Variants in IL22RA2 observed in about 807,000 individuals in gnomAD.
IL22RA2 encodes the protein interleukin-22 receptor subunit alpha-2.
Under a neutral mutation model 30.7 loss-of-function variants are expected in IL22RA2, and 39 were observed. The ratio of observed to expected loss-of-function variants is 1.27; its 90% CI spans 0.98 to 1.66. The LOEUF (loss-of-function observed/expected upper bound fraction) is 1.66. Ranked by LOEUF, IL22RA2 falls within the 40% of genes most tolerant of loss-of-function variation. IL22RA2 has a pLI of 0.00. For missense variants in IL22RA2, 315 were observed against 312.7 expected (o/e 1.01, Z -0.05); for synonymous variants, 103 against 105.0 (o/e 0.98, Z 0.11).
intron 2 of IL22RA2, among the ~76,000 whole-genome samples, chr6:137,159,589 C>T (rs1005279189): frequency 4.6e-5 from 7 of 152,172 alleles, no homozygotes; most frequent in African/African-American, 1.4e-4. Context: ...TCCCAAAGTG[C>T]TGGGATTACA....
At chr6:137,153,802 G>A (rs1402330406) in intron 5 of IL22RA2, among the ~76,000 whole-genome samples, 3 of 152,032 alleles carry the variant, frequency 2.0e-5, no homozygotes, top group African/African-American at 7.3e-5. Context: ...ATTAATGTAA[G>A]GTTAGGTCAA....
At chr6:137,164,136 C>G (rs374209070) in intron 1 of IL22RA2, among the ~76,000 whole-genome samples, 3 of 152,064 alleles carry the variant, frequency 2.0e-5, no homozygotes, top group Non-Finnish European at 4.4e-5. Flanking sequence ...CACTGGAGTG[C>G]GTGCTGAAAA....
At chr6:137,165,854 G>T (rs1478749399) in intron 1 of IL22RA2, among the ~76,000 whole-genome samples, 1 of 152,196 alleles carries the variant, frequency 6.6e-6, no homozygotes, top group African/African-American at 2.4e-5. Flanking sequence ...GCCCCACACG[G>T]TTGTCACTCT....
intron 3 of IL22RA2, among the ~76,000 whole-genome samples, chr6:137,157,648 G>A (rs900205587): frequency 1.3e-5 from 2 of 152,054 alleles, no homozygotes; most frequent in Non-Finnish European, 2.9e-5. Flanking sequence ...CTGTCTCACT[G>A]TCAGGAGACA....
intron 1 of IL22RA2, among the ~76,000 whole-genome samples, chr6:137,168,444 G>A (rs778015586): frequency 7.2e-5 from 11 of 152,076 alleles, no homozygotes; most frequent in Admixed American, 1.3e-4. Flanking sequence ...TAAAGGGCCC[G>A]TCTCCATATA....
chr6:137,145,376 T>C lies in IL22RA2; in HGVS notation c.*248A>G. The stretch of plus-strand genomic sequence containing the variant: ...TTCAGAAATAAAGTTCTGAATTTCA[T>C]AGAACACTTTATTCTCTGCCTCATC... On this transcript the variant is annotated 3_prime_UTR_variant, in exon 7 of 7. Transcript: ENST00000296980. 2.9e-6 allele frequency: 1 copy of C among 340,034 alleles called. No homozygotes were observed. Among genetic ancestry groups the C allele is most frequent in the Non-Finnish European group, 5.3e-6 (1 of 190,344 alleles). 21.1% of individuals were successfully genotyped at this position (340,034 alleles called of 1,614,324 possible). A position where few individuals can be genotyped will look rare whatever the true frequency, so the allele number is the denominator to read the frequency against.
At chr6:137,154,122 T>C (rs1218196361) in intron 5 of IL22RA2, among the ~76,000 whole-genome samples, 2 of 152,214 alleles carry the variant, frequency 1.3e-5, no homozygotes, top group Non-Finnish European at 1.5e-5. Flanking sequence ...TATTATTCTA[T>C]GGTTGTGACT....
intron 2 of IL22RA2, among the ~76,000 whole-genome samples, chr6:137,159,018 T>A (rs1778466711): frequency 6.6e-6 from 1 of 152,150 alleles, no homozygotes; most frequent in African/African-American, 2.4e-5. Flanking sequence ...ATGGCTGTAT[T>A]TACCTGCCTG....
At chr6:137,157,499 G>A (rs1272540533) in intron 3 of IL22RA2, among the ~76,000 whole-genome samples, 1 of 152,060 alleles carries the variant, frequency 6.6e-6, no homozygotes, top group Non-Finnish European at 1.5e-5. Flanking sequence ...TAATTAGCAG[G>A]AAAATCTGAC....
At chr6:137,167,814 C>T (rs1582611742) in intron 1 of IL22RA2, among the ~76,000 whole-genome samples, 2 of 152,198 alleles carry the variant, frequency 1.3e-5, no homozygotes, top group South Asian at 4.1e-4. Flanking sequence ...TTCAACCACA[C>T]CAGAGGCTGG....
At chr6:137,145,874 G>T in intron 6 of IL22RA2, 101 bp from the exon 7 acceptor site, 1 of 1,238,312 alleles carries the variant, frequency 8.1e-7, no homozygotes, top group Non-Finnish European at 1.2e-6. Context: ...CACAGCAGTA[G>T]ATGGGTTGTG....
intron 1 of IL22RA2, among the ~76,000 whole-genome samples, chr6:137,162,713 C>A (rs1374334477): frequency 6.6e-6 from 1 of 152,072 alleles, no homozygotes; most frequent in Non-Finnish European, 1.5e-5. Flanking sequence ...CAGGTCTGTG[C>A]AAACCTACCC....
Position 137,165,792 on chromosome 6 carries a change from A to G in IL22RA2, c.-65-3978T>C, listed in dbSNP as rs9376262. Among the ~76,000 whole-genome samples, 2,094 of 152,338 alleles carry G rather than the reference A, an allele frequency of 0.014. 171 individuals are homozygous for G. In the South Asian group the frequency reaches 0.24, roughly 17 times the overall value. ...TCTAAATCTAGGTCAAAGAAAAGCC[A>G]TGATAAAGACCCTTACTGTCCCAAC... On this transcript the variant is annotated intron_variant, in intron 1 of 6. Coordinates refer to ENST00000296980, the MANE Select transcript of IL22RA2 (RefSeq NM_052962.3).
At position 137,155,130 on chromosome 6, in the gene IL22RA2, G is replaced by C. The variant is rs1778377149; in HGVS notation, c.294-11C>G. ...TGTCTCTGTCCATATCTGTAGCAGG[G>C]AAAAGGCAAAGATCTGAGTTTCTTT... On this transcript the variant is annotated splice_polypyrimidine_tract_variant and intron_variant, in intron 4 of 6. Coordinates refer to ENST00000296980, the MANE Select transcript of IL22RA2 (RefSeq NM_052962.3). 6.6e-7 allele frequency: 1 copy of C among 1,515,286 alleles called. No individual in the cohort carries two copies. Among genetic ancestry groups the C allele is most frequent in the African/African-American group, 1.4e-5 (1 of 70,724 alleles). 93.9% of individuals were successfully genotyped at this position (1,515,286 alleles called of 1,614,324 possible).
At chr6:137,161,841 C>G (rs1778528491) in intron 1 of IL22RA2, 27 bp from the exon 2 acceptor site, 2 of 952,046 alleles carry the variant, frequency 2.1e-6, no homozygotes, top group Admixed American at 2.1e-5. Flanking sequence ...CAGACAATCA[C>G]TCCCGGGTTT....
chr6:137,170,432 A>G (rs979969134), intron 1 of IL22RA2, among the ~76,000 whole-genome samples: 1 of 152,220 alleles, frequency 6.6e-6, no homozygotes, highest in Non-Finnish European at 1.5e-5. Flanking sequence ...CCAACTCCAC[A>G]TTCCTCAAAG....
chr6:137,154,102 T>G (rs1778348827), intron 5 of IL22RA2, among the ~76,000 whole-genome samples: 1 of 152,192 alleles, frequency 6.6e-6, no homozygotes, highest in African/African-American at 2.4e-5. Context: ...AACACCTATG[T>G]CTTAGATTAT....
At chr6:137,166,832 A>G (rs557832529) in intron 1 of IL22RA2, among the ~76,000 whole-genome samples, 1 of 152,220 alleles carries the variant, frequency 6.6e-6, no homozygotes, top group Non-Finnish European at 1.5e-5. Context: ...CCTAACTGCC[A>G]TCACTCGAGC....
At chr6:137,155,322 G>T (rs1195028496) in intron 4 of IL22RA2, among the ~76,000 whole-genome samples, 1 of 151,880 alleles carries the variant, frequency 6.6e-6, no homozygotes, top group Non-Finnish European at 1.5e-5. Flanking sequence ...GAATACCCGA[G>T]ACTGGGTAAT....
Sources: gnomAD v4.1 joint callset for allele counts (sites outside exome capture counted in the v4.1 genomes callset) on GRCh38, gnomAD v4.1.1 for gene constraint, MANE v1.5 for transcripts, NCBI Gene and HGNC (gene_info 2026-07-23, HGNC 2026-07-21) for gene names.